Variants in NAV3 observed in about 807,000 individuals in gnomAD.
NAV3 encodes pore membrane and/or filament interacting like protein 1.
A neutral mutation model predicts 244.7 loss-of-function variants in NAV3; 87 were observed. The observed-to-expected ratio is 0.36, with a 90% CI of 0.30 to 0.42. NAV3 has a LOEUF of 0.42. NAV3 is among the 20% of genes least tolerant of loss of function. The probability of loss-of-function intolerance (pLI) is 1.00; values close to 1 mark genes in which losing one functional copy is unlikely to be tolerated. For missense variants in NAV3, 2,663 were observed against 2,893.3 expected (o/e 0.92, Z 1.83); for synonymous variants, 1,126 against 1,042.2 (o/e 1.08, Z -1.55).
intron 1 of NAV3, among the ~76,000 whole-genome samples, chr12:77,860,077 G>C (rs1447105769): frequency 6.6e-6 from 1 of 151,826 alleles, no homozygotes; most frequent in African/African-American, 2.4e-5. Flanking sequence ...AGTGGAAAAA[G>C]CAAAGGGAAG....
chr12:77,652,372 A>G (rs1201542717), intron 2 of NAV3, among the ~76,000 whole-genome samples: 1 of 152,126 alleles, frequency 6.6e-6, no homozygotes, highest in African/African-American at 2.4e-5. Context: ...CCTAAAGTTC[A>G]CCTTTCTCTT....
At chr12:77,966,167 G>A in intron 3 of NAV3, 62 bp from the exon 4 acceptor site, 2 of 1,325,548 alleles carry the variant, frequency 1.5e-6, no homozygotes, top group Non-Finnish European at 2.2e-6. Flanking sequence ...TTTCATTTTG[G>A]CACATGTATT....
intron 2 of NAV3, among the ~76,000 whole-genome samples, chr12:77,668,528 G>A (rs1381093123): frequency 6.6e-6 from 1 of 151,994 alleles, no homozygotes. Flanking sequence ...ACAACAAGAA[G>A]AAAGAACTTT....
intron 2 of NAV3, among the ~76,000 whole-genome samples, chr12:77,594,176 T>A (rs1305667612): frequency 5.9e-5 from 9 of 152,178 alleles, no homozygotes; most frequent in Admixed American, 5.9e-4. Flanking sequence ...TATTTACAAT[T>A]GTAGGCACTT....
intron 12 of NAV3, among the ~76,000 whole-genome samples, chr12:78,059,711 G>A (rs1288695210): frequency 3.9e-5 from 6 of 152,006 alleles, no homozygotes; most frequent in Non-Finnish European, 8.8e-5. Context: ...AGTTGCAAAT[G>A]TTAATATCTA....
At chr12:77,775,369 G>A (rs1870300999) in intron 2 of NAV3, among the ~76,000 whole-genome samples, 6 of 150,244 alleles carry the variant, frequency 4.0e-5, no homozygotes, top group Admixed American at 4.0e-4. Context: ...TCCAGCATGG[G>A]CAACAGGAGC....
intron 30 of NAV3, among the ~76,000 whole-genome samples, chr12:78,185,255 G>C (rs1479223014): frequency 6.6e-6 from 1 of 151,756 alleles, no homozygotes; most frequent in East Asian, 1.9e-4. Context: ...AAATCAGATG[G>C]CTGTCAGTTT....
intron 12 of NAV3, among the ~76,000 whole-genome samples, chr12:78,075,277 A>G (rs1166818569): frequency 2.6e-5 from 4 of 152,200 alleles, no homozygotes; most frequent in Admixed American, 2.6e-4. Flanking sequence ...GATCCCATCT[A>G]AGCCATCGGT....
chr12:78,168,908 C>T, intron 24 of NAV3, 42 bp downstream of exon 24: 1 of 1,235,924 alleles, frequency 8.1e-7, no homozygotes, highest in Non-Finnish European at 1.2e-6. Context: ...ATATAATAGA[C>T]ATCTATTTTA....
chr12:77,741,169 A>C (rs568850646), intron 2 of NAV3, among the ~76,000 whole-genome samples: 19 of 148,354 alleles, frequency 1.3e-4, no homozygotes, highest in African/African-American at 4.7e-4. Context: ...AAAAAAAAGA[A>C]AAGAAAGAAA....
At chr12:77,918,590 C>T (rs1171277328) in intron 1 of NAV3, among the ~76,000 whole-genome samples, 2 of 152,132 alleles carry the variant, frequency 1.3e-5, no homozygotes, top group South Asian at 2.1e-4. Flanking sequence ...TGCTGCTCTA[C>T]GGGCTTACTC....
At position 78,212,179 on chromosome 12, in the gene NAV3, A is replaced by G. The variant is rs553348033; in HGVS notation, c.*1662A>G. 6.5e-6 allele frequency: 1 copy of G among 152,778 alleles called. No homozygotes were observed. The highest frequency in any genetic ancestry group is 2.1e-4 in the South Asian group (1 of 4,826). 9.5% of individuals were successfully genotyped at this position (152,778 alleles called of 1,614,324 possible). A position where few individuals can be genotyped will look rare whatever the true frequency, so the allele number is the denominator to read the frequency against. The stretch of plus-strand genomic sequence containing the variant: ...GATAAGTAAAACTGTCTGAAAGTAC[A>G]TCTGTCATGGCAGGCTTTAAAGAGA... On this transcript the variant is annotated 3_prime_UTR_variant, in exon 40 of 40. Coordinates refer to ENST00000397909, the MANE Select transcript of NAV3 (RefSeq NM_001024383.2).
Position 77,875,848 on chromosome 12 carries a change from A to G in NAV3, c.243+44144A>G, listed in dbSNP as rs537664332. Among the ~76,000 whole-genome samples, 6 of 152,142 alleles carry G rather than the reference A, an allele frequency of 3.9e-5. No homozygotes were observed. In the South Asian group the frequency reaches 1.0e-3, roughly 26 times the overall value. ...GTCTATACTTTCTATTCATGTGTTC[A>G]TCTATCAATAGGCAATACTTAAGAG... is the stretch of plus-strand genomic sequence containing the variant. On this transcript the variant is annotated intron_variant, in intron 1 of 39. Coordinates refer to ENST00000397909, the MANE Select transcript of NAV3 (RefSeq NM_001024383.2).
At chr12:78,062,012 A>G (rs186710277) in intron 12 of NAV3, among the ~76,000 whole-genome samples, 1 of 152,248 alleles carries the variant, frequency 6.6e-6, no homozygotes, top group East Asian at 1.9e-4. Flanking sequence ...AAGGCCAAAA[A>G]GTCTTTCATA....
intron 30 of NAV3, among the ~76,000 whole-genome samples, chr12:78,184,314 A>G (rs1958621527): frequency 6.6e-6 from 1 of 151,904 alleles, no homozygotes. Flanking sequence ...AAACTACCAG[A>G]AGTCTAGATG....
chr12:77,656,081 T>C (rs1161194497), intron 2 of NAV3, among the ~76,000 whole-genome samples: 1 of 151,302 alleles, frequency 6.6e-6, no homozygotes. Flanking sequence ...TACATCATAA[T>C]GAGAGGTTCA....
chr12:77,807,474 T>C (rs1360180644), intron 2 of NAV3, among the ~76,000 whole-genome samples: 8 of 152,232 alleles, frequency 5.3e-5, no homozygotes, highest in Admixed American at 2.0e-4. Flanking sequence ...GGTTGAAAAT[T>C]CTTTTCTGTA....
At chr12:77,717,057 G>T (rs1876394750) in intron 2 of NAV3, among the ~76,000 whole-genome samples, 1 of 152,068 alleles carries the variant, frequency 6.6e-6, no homozygotes, top group African/African-American at 2.4e-5. Context: ...GCTTGTGAGT[G>T]TGTGTGTAGG....
intron 2 of NAV3, among the ~76,000 whole-genome samples, chr12:77,576,377 A>G (rs1179694738): frequency 6.6e-6 from 1 of 151,888 alleles, no homozygotes. Flanking sequence ...ATTCACATGG[A>G]CCTGTTTTAT....
Sources: gnomAD v4.1 joint callset for allele counts (sites outside exome capture counted in the v4.1 genomes callset) on GRCh38, gnomAD v4.1.1 for gene constraint, MANE v1.5 for transcripts, NCBI Gene and HGNC (gene_info 2026-07-23, HGNC 2026-07-21) for gene names.